The following REPS2 variants were observed in gnomAD, a reference collection of about 807,000 sequenced individuals.
The protein encoded by REPS2 is ralBP1-associated Eps domain-containing protein 2.
Under a neutral mutation model 53.6 loss-of-function variants are expected in REPS2, and 23 were observed. The ratio of observed to expected loss-of-function variants is 0.43; its 90% CI spans 0.31 to 0.61. REPS2 has a LOEUF of 0.61. Among genes scored for constraint, REPS2 ranks in the 20% least tolerant of loss-of-function variants. REPS2 has a pLI of 0.11. For missense variants in REPS2, 446 were observed against 534.9 expected (o/e 0.83, Z 1.64); for synonymous variants, 238 against 218.6 (o/e 1.09, Z -0.78).
chrX:16,964,472 C>A (rs1201829202), intron 1 of REPS2, among the ~76,000 whole-genome samples: 1 of 108,907 alleles, frequency 9.2e-6, no homozygotes. Context: ...TCAATCTTTT[C>A]CCCACCTTTC....
intron 14 of REPS2, among the ~76,000 whole-genome samples, chrX:17,118,603 A>G (rs139801959): frequency 1.0e-3 from 112 of 112,342 alleles, no homozygotes; most frequent in African/African-American, 3.5e-3. Context: ...TTTCTGGGGA[A>G]GTGCTAGAAA....
chrX:16,956,139 C>T (rs1242638280), intron 1 of REPS2, among the ~76,000 whole-genome samples: 1 of 110,177 alleles, frequency 9.1e-6, no homozygotes, highest in African/African-American at 3.3e-5. Context: ...TAAAGCAGGC[C>T]TTCTCAGCCT....
chrX:17,135,667 C>T (rs1378726924), intron 16 of REPS2: 1 of 289,029 alleles, frequency 3.5e-6, no homozygotes, highest in Non-Finnish European at 6.0e-6. Context: ...CCCTTCCTCT[C>T]ACCTTCTGTT....
the REPS2 span, among the ~76,000 whole-genome samples, chrX:17,184,120 T>G: frequency 9.2e-6 from 1 of 108,622 alleles, no homozygotes; most frequent in Non-Finnish European, 1.9e-5. Flanking sequence ...GCTGGTGCGC[T>G]GCACCCACTA....
chrX:17,190,723 A>G, the REPS2 span, among the ~76,000 whole-genome samples: 3 of 112,528 alleles, frequency 2.7e-5, no homozygotes, highest in Admixed American at 9.4e-5. Context: ...AATACTTACT[A>G]TAAAGCCACA....
At chrX:17,035,335 G>A (rs1256579001) in intron 5 of REPS2, among the ~76,000 whole-genome samples, 1 of 108,598 alleles carries the variant, frequency 9.2e-6, no homozygotes, top group Non-Finnish European at 1.9e-5. Flanking sequence ...GAGCGGAGGA[G>A]TGAGAATGAC....
the REPS2 span, among the ~76,000 whole-genome samples, chrX:17,193,469 G>C: frequency 9.0e-6 from 1 of 111,375 alleles, no homozygotes; most frequent in Non-Finnish European, 1.9e-5. Context: ...GGGAGGGCTT[G>C]TGAATTGTCC....
At chrX:17,098,718 G>GT (rs1368099657) in intron 13 of REPS2, among the ~76,000 whole-genome samples, 1 of 111,275 alleles carries the variant, frequency 9.0e-6, no homozygotes, top group East Asian at 2.8e-4. Context: ...AGTCAATTCA[G>GT]TGAAACTTGT....
chrX:17,141,212 C>G (rs766292622), intron 17 of REPS2, among the ~76,000 whole-genome samples: 5 of 112,245 alleles, frequency 4.5e-5, no homozygotes, highest in Non-Finnish European at 7.5e-5. Flanking sequence ...CCTGCCCTAC[C>G]CACACAGAGG....
At chrX:17,053,529 A>T (rs1257906308) in intron 7 of REPS2, among the ~76,000 whole-genome samples, 1 of 110,495 alleles carries the variant, frequency 9.1e-6, no homozygotes, top group Non-Finnish European at 1.9e-5. Flanking sequence ...TTTTCTAGAG[A>T]CAGGGTCTTG....
intron 1 of REPS2, among the ~76,000 whole-genome samples, chrX:16,989,939 A>T (rs895160673): frequency 3.6e-5 from 4 of 112,419 alleles, no homozygotes; most frequent in African/African-American, 1.3e-4. Context: ...CTGGGCATTT[A>T]TCCCAGAGAA....
intron 14 of REPS2, among the ~76,000 whole-genome samples, chrX:17,105,749 TC>T (rs1274894763): frequency 2.7e-5 from 3 of 111,788 alleles, no homozygotes; most frequent in Non-Finnish European, 5.6e-5. Context: ...TCTCCCCTAT[TC>T]CCTCCTTTCA....
chrX:16,958,073 C>T (rs1348456267), intron 1 of REPS2, among the ~76,000 whole-genome samples: 2 of 111,669 alleles, frequency 1.8e-5, no homozygotes, highest in Non-Finnish European at 3.8e-5. Flanking sequence ...ACTTACTTGC[C>T]CAAGGTCACA....
intron 12 of REPS2, chrX:17,074,476 T>C (rs900275285): frequency 1.0e-5 from 2 of 197,369 alleles, no homozygotes; most frequent in African/African-American, 5.9e-5. Context: ...GAGGAAAATA[T>C]GGGTAAGGTA....
chrX:17,149,117 T>C lies in REPS2; in HGVS notation c.*1636T>C. On this transcript the variant is annotated 3_prime_UTR_variant, in exon 18 of 18. Coordinates refer to ENST00000357277, the MANE Select transcript of REPS2 (RefSeq NM_004726.3). Reference sequence around the variant, plus strand: ...AAGGATTTTGAATTGATTTTGAAAATCATGAAACTTGAACTATTTTTCTAT... The same window carrying C: ...AAGGATTTTGAATTGATTTTGAAAACCATGAAACTTGAACTATTTTTCTAT... 1 of 262,420 alleles carries C rather than the reference T, an allele frequency of 3.8e-6. No homozygotes were observed. The allele number at this position is 262,420 out of a possible 1,213,427, so 21.6% of individuals were successfully genotyped here. A position where few individuals can be genotyped will look rare whatever the true frequency, so the allele number is the denominator to read the frequency against.
chrX:16,947,576 G>A (rs1431298696), intron 1 of REPS2, among the ~76,000 whole-genome samples: 1 of 111,944 alleles, frequency 8.9e-6, no homozygotes, highest in Admixed American at 9.4e-5. Flanking sequence ...GTGTGTGTCC[G>A]TAGGGTTCGA....
intron 13 of REPS2, chrX:17,099,654 G>A: frequency 2.4e-6 from 1 of 419,255 alleles, no homozygotes; most frequent in Non-Finnish European, 4.2e-6. Flanking sequence ...GCACAGAAAC[G>A]ATACTGGCTC....
chrX:17,124,856 CTTT>C (rs1175675334), intron 14 of REPS2, among the ~76,000 whole-genome samples: 1 of 91,026 alleles, frequency 1.1e-5, no homozygotes, highest in Non-Finnish European at 2.2e-5. Context: ...AGATGGACTT[CTTT>C]TTTTTTTTTT....
intron 2 of REPS2, among the ~76,000 whole-genome samples, chrX:17,017,255 A>T (rs1196536892): frequency 8.9e-6 from 1 of 112,304 alleles, no homozygotes; most frequent in Non-Finnish European, 1.9e-5. Flanking sequence ...CACAGGTGTG[A>T]GCTACTGCTC....
Sources: allele counts gnomAD v4.1 joint callset (sites outside exome capture counted in the v4.1 genomes callset), GRCh38; gene constraint gnomAD v4.1.1; transcripts MANE v1.5; gene names NCBI Gene and HGNC (gene_info 2026-07-23, HGNC 2026-07-21).